The following FER variants were observed in gnomAD, a reference collection of about 807,000 sequenced individuals.
FER encodes FER tyrosine kinase.
In FER, 63 loss-of-function variants were observed where a neutral mutation model predicts 111.0. The observed-to-expected ratio is 0.57, with a 90% CI of 0.46 to 0.70. FER has a LOEUF of 0.70. Ranked by LOEUF, FER falls within the 30% of genes least tolerant of loss-of-function variation. FER has a pLI of 0.00. For missense variants in FER, 914 were observed against 954.0 expected, an observed-to-expected ratio of 0.96 and a Z score of 0.55; for synonymous variants, 327 against 313.9, an observed-to-expected ratio of 1.04 and a Z score of -0.44.
intron 17 of FER, among the ~76,000 whole-genome samples, chr5:109,175,983 AAAC>A (rs1757644092): frequency 6.9e-6 from 1 of 144,834 alleles, no homozygotes; most frequent in Non-Finnish European, 1.6e-5. Flanking sequence ...CATCTCCAAA[AAAC>A]AAACAAACAA....
intron 17 of FER, among the ~76,000 whole-genome samples, chr5:109,162,985 C>T (rs982197734): frequency 6.6e-6 from 1 of 152,098 alleles, no homozygotes; most frequent in African/African-American, 2.4e-5. Context: ...AGTTCCCTCA[C>T]ACTGTTTTGC....
chr5:108,774,365 C>G (rs141024965), intron 2 of FER, among the ~76,000 whole-genome samples: 3 of 152,140 alleles, frequency 2.0e-5, no homozygotes, highest in Non-Finnish European at 4.4e-5. Flanking sequence ...AATAAACATA[C>G]GTGTGTGTGT....
intron 17 of FER, among the ~76,000 whole-genome samples, chr5:109,161,885 A>G (rs966167799): frequency 6.6e-6 from 1 of 152,084 alleles, no homozygotes; most frequent in Non-Finnish European, 1.5e-5. Context: ...ACTCCAACCA[A>G]CAGTGTATAA....
chr5:108,981,430 A>G (rs1341272992), intron 13 of FER, among the ~76,000 whole-genome samples: 1 of 152,060 alleles, frequency 6.6e-6, no homozygotes, highest in East Asian at 1.9e-4. Context: ...TCCTTATATA[A>G]GGTAAATATT....
At chr5:108,837,990 T>C (rs1031415363) in intron 5 of FER, among the ~76,000 whole-genome samples, 1 of 152,214 alleles carries the variant, frequency 6.6e-6, no homozygotes, top group African/African-American at 2.4e-5. Context: ...ACAGAATATA[T>C]AGTTACTTTT....
intron 1 of FER, chr5:108,748,512 G>A (rs1358206152): frequency 6.6e-6 from 1 of 152,358 alleles, no homozygotes; most frequent in Non-Finnish European, 1.5e-5. Flanking sequence ...TTCCTGTGAG[G>A]CCTTCGTCCG....
chr5:109,146,244 A>ATATTATCTATCTAATATATATATATATT lies in FER; in HGVS notation c.2049-34503_2049-34502insTATTATCTATCTAATATATATATATATT, dbSNP rs373376729. Among the ~76,000 whole-genome samples, 150 of 67,254 alleles carry ATATTATCTATCTAATATATATATATATT rather than the reference A, an allele frequency of 2.2e-3. 8 individuals carry two copies. Among genetic ancestry groups the ATATTATCTATCTAATATATATATATATT allele is most frequent in the Middle Eastern group, 8.1e-3 (1 of 124 alleles). 44.1% of individuals were successfully genotyped at this position (67,254 alleles called of 152,430 possible). On this transcript the variant is annotated intron_variant, in intron 17 of 19. Transcript: ENST00000281092. ...TATATTATCTATCTAATATATATAT[A>ATATTATCTATCTAATATATATATATATT]ATCTATCTAATATATATATATATAT...
rs558907443 is a variant in FER at position 108,898,583 on chromosome 5, C to G, written c.1236+735C>G. Among the ~76,000 whole-genome samples, 31 of 119,472 alleles carry G rather than the reference C, an allele frequency of 2.6e-4. No homozygotes were observed. The Admixed American group carries it at 2.6e-3, about 10-fold the overall frequency. The allele number at this position is 119,472 out of a possible 152,430, so 78.4% of individuals were successfully genotyped here. A position where few individuals can be genotyped will look rare whatever the true frequency, so the allele number is the denominator to read the frequency against. On this transcript the variant is annotated intron_variant, in intron 10 of 19. Coordinates refer to ENST00000281092, the MANE Select transcript of FER (RefSeq NM_005246.4). ...TCCCTTCCCTTCCCTCCCTTCCCCT[C>G]CCCTCCCCTCCCTTCCCCTCCCCTT...
At chr5:109,014,938 C>T (rs1382124409) in intron 13 of FER, 1 of 152,104 alleles carries the variant, frequency 6.6e-6, no homozygotes, top group Non-Finnish European at 1.5e-5. Context: ...CTGAAGCGAG[C>T]ACTATGTTTG....
At chr5:108,865,003 T>C (rs1763893091) in intron 5 of FER, among the ~76,000 whole-genome samples, 1 of 152,206 alleles carries the variant, frequency 6.6e-6, no homozygotes, top group South Asian at 2.1e-4. Flanking sequence ...TGGAATGTTC[T>C]TCCATTTGTT....
chr5:109,035,915 G>A (rs1376527201), intron 13 of FER, among the ~76,000 whole-genome samples: 2 of 152,108 alleles, frequency 1.3e-5, no homozygotes, highest in African/African-American at 2.4e-5. Flanking sequence ...GGTGACTAAT[G>A]ATGTTAAGTG....
At chr5:108,835,843 ATT>A (rs1760601128) in intron 5 of FER, 36 bp downstream of exon 5, 1 of 1,176,312 alleles carries the variant, frequency 8.5e-7, no homozygotes, top group Non-Finnish European at 1.2e-6. Flanking sequence ...TACTTAGGTG[ATT>A]TTTATTCTTA....
Position 109,189,552 on chromosome 5 carries a change from A to G in FER, c.*1977A>G, listed in dbSNP as rs1759223723. The G allele has an allele frequency of 6.6e-6, 1 of 152,234 alleles. No homozygotes were observed. The highest frequency in any genetic ancestry group is 2.4e-5 in the African/African-American group (1 of 41,462). 9.4% of individuals were successfully genotyped at this position (152,234 alleles called of 1,614,324 possible). A position where few individuals can be genotyped will look rare whatever the true frequency, so the allele number is the denominator to read the frequency against. ...TCAGACTAAAGGGAAATTTCTTTTG[A>G]TGGCACGTACTATGGTAAATCAAAG... is the stretch of plus-strand genomic sequence containing the variant. On this transcript the variant is annotated 3_prime_UTR_variant, in exon 20 of 20. Transcript: ENST00000281092.
intron 18 of FER, among the ~76,000 whole-genome samples, chr5:109,185,362 A>G (rs1334030650): frequency 7.2e-5 from 11 of 152,364 alleles, no homozygotes; most frequent in Admixed American, 6.5e-5. Flanking sequence ...AAATGAAACT[A>G]TCAGAGAAAA....
chr5:108,951,695 G>A (rs1053389376), intron 11 of FER, among the ~76,000 whole-genome samples: 1 of 152,020 alleles, frequency 6.6e-6, no homozygotes, highest in African/African-American at 2.4e-5. Context: ...GGTTTTACTT[G>A]TATATTTTTG....
At chr5:109,149,250 T>C (rs990597713) in intron 17 of FER, among the ~76,000 whole-genome samples, 3 of 152,182 alleles carry the variant, frequency 2.0e-5, no homozygotes, top group Non-Finnish European at 2.9e-5. Context: ...CAAATGGCTC[T>C]TCTCTTCTTC....
intron 17 of FER, among the ~76,000 whole-genome samples, chr5:109,170,772 T>C (rs1455059821): frequency 6.6e-6 from 1 of 152,192 alleles, no homozygotes; most frequent in Non-Finnish European, 1.5e-5. Flanking sequence ...TAACTTACCC[T>C]CTGAGTGTGA....
At chr5:108,828,087 C>G (rs1759662999) in intron 3 of FER, among the ~76,000 whole-genome samples, 1 of 151,974 alleles carries the variant, frequency 6.6e-6, no homozygotes, top group African/African-American at 2.4e-5. Context: ...CCAGGCTACT[C>G]TCGAGCTCCT....
intron 14 of FER, among the ~76,000 whole-genome samples, chr5:109,039,283 T>A (rs1770826084): frequency 6.6e-6 from 1 of 151,984 alleles, no homozygotes; most frequent in Non-Finnish European, 1.5e-5. Context: ...GATGCAGCTA[T>A]AGTCGATAGT....
Sources: allele counts gnomAD v4.1 joint callset (sites outside exome capture counted in the v4.1 genomes callset), GRCh38; gene constraint gnomAD v4.1.1; transcripts MANE v1.5; gene names NCBI Gene and HGNC (gene_info 2026-07-23, HGNC 2026-07-21).